Variants in UPP2 observed in about 807,000 individuals in gnomAD.
UPP2 encodes UPase 2.
A neutral mutation model predicts 26.7 loss-of-function variants in UPP2; 23 were observed. The observed-to-expected ratio is 0.86, with a 90% CI of 0.62 to 1.22. The LOEUF is 1.22. Among genes scored for constraint, UPP2 ranks in the 50% most tolerant of loss-of-function variants. The pLI, the probability that UPP2 is intolerant of heterozygous loss-of-function variation, is 0.00. For synonymous variants in UPP2, 127 were observed against 141.3 expected, an observed-to-expected ratio of 0.90 and a Z score of 0.72; for missense variants, 387 against 396.7, an observed-to-expected ratio of 0.98 and a Z score of 0.21.
At chr2:158,037,344 C>T (rs1345486796) in intron 3 of UPP2, among the ~76,000 whole-genome samples, 1 of 151,876 alleles carries the variant, frequency 6.6e-6, no homozygotes, top group Non-Finnish European at 1.5e-5. Context: ...CATTGCACTC[C>T]AGCCTGGGCA....
chr2:158,135,456 C>T lies in UPP2; in HGVS notation c.*566C>T, dbSNP rs1292096839. Reference sequence around the variant, plus strand: ...AATAGGATTCGAGATTTACATATGCCTGTTTGTGATTTTATCTCAGAATAT... The same window carrying T: ...AATAGGATTCGAGATTTACATATGCTTGTTTGTGATTTTATCTCAGAATAT... On this transcript the variant is annotated 3_prime_UTR_variant, in exon 7 of 7. Transcript: ENST00000005756. The T allele has an allele frequency of 6.6e-6, 1 of 152,160 alleles. No homozygotes were observed. The allele number at this position is 152,160 out of a possible 1,614,324, so 9.4% of individuals were successfully genotyped here. A position where few individuals can be genotyped will look rare whatever the true frequency, so the allele number is the denominator to read the frequency against.
chr2:158,007,200 A>G (rs1055783761), intron 2 of UPP2, among the ~76,000 whole-genome samples: 3 of 152,166 alleles, frequency 2.0e-5, no homozygotes, highest in African/African-American at 7.2e-5. Flanking sequence ...TTATAACCCT[A>G]TAATAATTCT....
At chr2:158,098,570 T>C (rs1157593917), upstream of UPP2, among the ~76,000 whole-genome samples, 9 of 152,136 alleles carry the variant, frequency 5.9e-5, no homozygotes, top group East Asian at 1.9e-4. Context: ...CATCATCACA[T>C]AGAGCCAAGG....
chr2:158,037,399 C>T (rs953667372), intron 3 of UPP2, among the ~76,000 whole-genome samples: 5 of 151,978 alleles, frequency 3.3e-5, no homozygotes, highest in Admixed American at 2.0e-4. Context: ...GAAAAAAATC[C>T]TTTTGGGGGG....
chr2:158,081,086 A>T (rs970194119), intron 3 of UPP2, among the ~76,000 whole-genome samples: 8 of 152,338 alleles, frequency 5.3e-5, no homozygotes, highest in Middle Eastern at 3.4e-3. Flanking sequence ...ATAAGAATCA[A>T]GTGTTACCAG....
At chr2:158,047,356 G>C (rs1684170946) in intron 3 of UPP2, among the ~76,000 whole-genome samples, 1 of 152,220 alleles carries the variant, frequency 6.6e-6, no homozygotes, top group Non-Finnish European at 1.5e-5. Context: ...GATGCCCCCA[G>C]GGGTGTTGGG....
intron 3 of UPP2, among the ~76,000 whole-genome samples, chr2:158,085,819 T>C (rs1682806276): frequency 6.6e-6 from 1 of 152,322 alleles, no homozygotes; most frequent in Admixed American, 6.5e-5. Flanking sequence ...GACTTACATA[T>C]GTTAAACCAT....
At chr2:158,046,283 G>A (rs1274318091) in intron 3 of UPP2, among the ~76,000 whole-genome samples, 1 of 152,170 alleles carries the variant, frequency 6.6e-6, no homozygotes, top group African/African-American at 2.4e-5. Context: ...GTGTATGTTT[G>A]CTCATAGTTT....
chr2:158,098,228 G>A (rs1281767221), upstream of UPP2, among the ~76,000 whole-genome samples: 1 of 152,250 alleles, frequency 6.6e-6, no homozygotes, highest in East Asian at 1.9e-4. Flanking sequence ...GCAAGAGGCA[G>A]GCCAAGGTCT....
intron 3 of UPP2, among the ~76,000 whole-genome samples, chr2:158,059,322 A>G (rs1682313073): frequency 6.6e-6 from 1 of 152,214 alleles, no homozygotes; most frequent in Admixed American, 6.5e-5. Flanking sequence ...TGCCTCAGAC[A>G]GCTTCATACT....
intron 2 of UPP2, among the ~76,000 whole-genome samples, chr2:158,107,970 T>C (rs918844032): frequency 2.0e-5 from 3 of 152,186 alleles, no homozygotes; most frequent in Non-Finnish European, 4.4e-5. Flanking sequence ...AATAACCAGA[T>C]TGTACCAGAA....
chr2:158,125,486 G>A (rs1002733725), intron 6 of UPP2, among the ~76,000 whole-genome samples: 1 of 150,782 alleles, frequency 6.6e-6, no homozygotes, highest in African/African-American at 2.4e-5. Flanking sequence ...GCGCAATCTC[G>A]GCTCACTATA....
chr2:158,045,920 A>G (rs1369768389), intron 3 of UPP2, among the ~76,000 whole-genome samples: 1 of 152,162 alleles, frequency 6.6e-6, no homozygotes, highest in Non-Finnish European at 1.5e-5. Context: ...GTTCAAGGTC[A>G]TGGCTGTGGA....
chr2:158,023,238 G>GGGA (rs1474140453), intron 3 of UPP2, among the ~76,000 whole-genome samples: 4 of 139,498 alleles, frequency 2.9e-5, no homozygotes, highest in South Asian at 2.7e-4. Flanking sequence ...GTTGGGGGGG[G>GGGA]GCATTTGGAA....
intron 2 of UPP2, among the ~76,000 whole-genome samples, chr2:158,109,913 G>C (rs1558934320): frequency 6.6e-6 from 1 of 152,066 alleles, no homozygotes; most frequent in Non-Finnish European, 1.5e-5. Flanking sequence ...TTTGAACTGA[G>C]GAAAAATGAA....
intron 1 of UPP2, among the ~76,000 whole-genome samples, chr2:158,104,502 GT>G (rs1470838584): frequency 2.0e-5 from 3 of 151,860 alleles, no homozygotes; most frequent in East Asian, 1.9e-4. Context: ...GGTCACCAGT[GT>G]TTTTTTGTTT....
At chr2:158,067,169 T>C (rs1682449613) in intron 3 of UPP2, among the ~76,000 whole-genome samples, 1 of 151,978 alleles carries the variant, frequency 6.6e-6, no homozygotes, top group African/African-American at 2.4e-5. Context: ...AACTTAATAT[T>C]TGGATACTTG....
chr2:158,105,003 AGGGGAG>A lies in UPP2; in HGVS notation c.63-1092_63-1087del, dbSNP rs1683158616. ...AAGAGAAGGGAAGGGAAGGGAGGGG[AGGGGAG>A]GGGAGGGGAGGGGAGGGGAGGGGAG... On this transcript the variant is annotated intron_variant, in intron 1 of 6. Coordinates refer to ENST00000005756, the MANE Select transcript of UPP2 (RefSeq NM_173355.4). 6.5e-3 allele frequency among the ~76,000 whole-genome samples: 22 copies of A among 3,404 alleles called. 1 individual carries two copies. The highest frequency in any genetic ancestry group is 0.017 in the South Asian group (1 of 60). 2.2% of individuals were successfully genotyped at this position (3,404 alleles called of 152,430 possible).
intron 3 of UPP2, among the ~76,000 whole-genome samples, chr2:158,078,829 C>A (rs1682673029): frequency 6.6e-6 from 1 of 152,050 alleles, no homozygotes; most frequent in African/African-American, 2.4e-5. Context: ...ATGGATACCC[C>A]GTTTACCCTG....
Sources: allele counts gnomAD v4.1 joint callset (sites outside exome capture counted in the v4.1 genomes callset), GRCh38; gene constraint gnomAD v4.1.1; transcripts MANE v1.5; gene names NCBI Gene and HGNC (gene_info 2026-07-23, HGNC 2026-07-21).